The following RIMS2 variants were observed in gnomAD, a reference collection of about 807,000 sequenced individuals.
RIMS2 encodes regulating synaptic membrane exocytosis protein 2.
RIMS2 carries 59 observed loss-of-function variants against 174.4 expected under a neutral mutation model. That is an observed-to-expected ratio of 0.34 (90% CI 0.27 to 0.42). The LOEUF (loss-of-function observed/expected upper bound fraction) is 0.42. RIMS2 is among the 10% of genes least tolerant of loss of function. The pLI, the probability that RIMS2 is intolerant of heterozygous loss-of-function variation, is 1.00. For synonymous variants in RIMS2, 606 were observed against 572.5 expected (o/e 1.06, Z -0.84); for missense variants, 1,620 against 1,666.3 (o/e 0.97, Z 0.48).
chr8:103,786,664 A>G (rs556410878), intron 3 of RIMS2, among the ~76,000 whole-genome samples: 2 of 152,182 alleles, frequency 1.3e-5, no homozygotes, highest in East Asian at 3.9e-4. Flanking sequence ...GTTCTTTTAC[A>G]TTTGCTGAGG....
In RIMS2 at chr8:103,913,058, C is replaced by T. The variant is rs549831267; in HGVS notation, c.1812+886C>T. On this transcript the variant is annotated intron_variant, in intron 6 of 23. Coordinates refer to ENST00000504942, the Ensembl canonical transcript of RIMS2. Reference sequence around the variant, plus strand: ...CATGATCTCGGGTCACTGCAACCTTCGCCTCTTGGATTCAAGTGATTCTCC... The same window carrying T: ...CATGATCTCGGGTCACTGCAACCTTTGCCTCTTGGATTCAAGTGATTCTCC... 8.8e-4 allele frequency among the ~76,000 whole-genome samples: 129 copies of T among 145,788 alleles called. 4 individuals carry two copies. The South Asian group carries it at 0.022, about 25-fold the overall frequency.
At chr8:104,023,101 G>A (rs1158761457) in intron 19 of RIMS2, among the ~76,000 whole-genome samples, 3 of 152,062 alleles carry the variant, frequency 2.0e-5, no homozygotes, top group African/African-American at 4.8e-5. Flanking sequence ...GTTTAAGGGA[G>A]GACATTGTTT....
At chr8:103,734,896 T>A (rs2097665313) in intron 2 of RIMS2, among the ~76,000 whole-genome samples, 1 of 150,238 alleles carries the variant, frequency 6.7e-6, no homozygotes, top group Admixed American at 6.7e-5. Flanking sequence ...CTTCTCTCAG[T>A]TTTCTAATCA....
chr8:103,642,432 C>T (rs13439015), intron 1 of RIMS2, among the ~76,000 whole-genome samples: 27,596 of 151,888 alleles, frequency 0.18, 2,720 homozygotes, highest in African/African-American at 0.26. Flanking sequence ...TACAGTTCCA[C>T]ATTTGAGAAA....
chr8:104,232,610 T>G (rs2099236672), intron 19 of RIMS2, among the ~76,000 whole-genome samples: 1 of 152,204 alleles, frequency 6.6e-6, no homozygotes, highest in Non-Finnish European at 1.5e-5. Flanking sequence ...CACTGCTACT[T>G]GGCACAGATA....
At chr8:104,182,106 T>C (rs577357673) in intron 19 of RIMS2, among the ~76,000 whole-genome samples, 1 of 151,906 alleles carries the variant, frequency 6.6e-6, no homozygotes, top group Admixed American at 6.6e-5. Context: ...AGGGGATAAA[T>C]ATTTTAATGT....
intron 14 of RIMS2, among the ~76,000 whole-genome samples, chr8:103,951,417 A>G (rs1417956278): frequency 1.3e-5 from 2 of 152,222 alleles, no homozygotes; most frequent in Non-Finnish European, 2.9e-5. Flanking sequence ...TACCCAGTTC[A>G]TCTCATTGGG....
At chr8:103,931,743 A>G (rs997616810) in intron 12 of RIMS2, among the ~76,000 whole-genome samples, 1 of 152,120 alleles carries the variant, frequency 6.6e-6, no homozygotes, top group Non-Finnish European at 1.5e-5. Flanking sequence ...CAAAAATACT[A>G]GCTTTTTTAG....
At chr8:103,533,600 T>G (rs1218072157) in intron 1 of RIMS2, among the ~76,000 whole-genome samples, 1 of 141,488 alleles carries the variant, frequency 7.1e-6, no homozygotes, top group Admixed American at 7.6e-5. Flanking sequence ...AGGCAGAGGT[T>G]GCAGTGAGCT....
chr8:103,624,339 T>C (rs561690853), intron 1 of RIMS2, among the ~76,000 whole-genome samples: 45 of 152,306 alleles, frequency 3.0e-4, no homozygotes, highest in Admixed American at 2.9e-3. Flanking sequence ...CCTGCTTGCT[T>C]AAGCTAGGAC....
chr8:103,743,558 T>C (rs535490131), intron 2 of RIMS2, among the ~76,000 whole-genome samples: 1 of 57,708 alleles, frequency 1.7e-5, no homozygotes, highest in East Asian at 8.9e-4. Flanking sequence ...ATAATTAGCA[T>C]CTATATTTAT....
chr8:103,951,129 T>C (rs1189738776), intron 14 of RIMS2, among the ~76,000 whole-genome samples: 2 of 152,244 alleles, frequency 1.3e-5, no homozygotes, highest in African/African-American at 4.8e-5. Context: ...CACATAATCA[T>C]TTCAATAGAT....
At position 103,739,377 on chromosome 8, in the gene RIMS2, C is replaced by T. The variant is rs557653549; in HGVS notation, c.388-26850C>T. Among the ~76,000 whole-genome samples the T allele has an allele frequency of 3.3e-5, 5 of 151,980 alleles. No homozygotes were observed. In the South Asian group the frequency reaches 6.2e-4, roughly 19 times the overall value. On this transcript the variant is annotated intron_variant, in intron 2 of 23. Transcript: ENST00000504942. The stretch of plus-strand genomic sequence containing the variant: ...AGGAACATCACACACTGGGGCCTGT[C>T]GTAGGGTAGAGGGAAGGGGGAGGGA...
chr8:103,780,546 C>T (rs1483212853), intron 3 of RIMS2, among the ~76,000 whole-genome samples: 1 of 151,958 alleles, frequency 6.6e-6, no homozygotes, highest in African/African-American at 2.4e-5. Context: ...TGATTTTTTT[C>T]AGTTCAGCCA....
chr8:103,551,858 C>T (rs1213844457), intron 1 of RIMS2, among the ~76,000 whole-genome samples: 1 of 152,082 alleles, frequency 6.6e-6, no homozygotes, highest in Non-Finnish European at 1.5e-5. Context: ...ACAATTGCTT[C>T]AAAGAGAATA....
At chr8:103,829,994 T>C (rs1217718147) in intron 3 of RIMS2, among the ~76,000 whole-genome samples, 1 of 152,222 alleles carries the variant, frequency 6.6e-6, no homozygotes, top group Admixed American at 6.5e-5. Context: ...TGTTTTTCAG[T>C]AAATTTAATA....
chr8:103,589,758 A>G (rs886299473), intron 1 of RIMS2, among the ~76,000 whole-genome samples: 14 of 151,632 alleles, frequency 9.2e-5, no homozygotes, highest in African/African-American at 3.4e-4. Flanking sequence ...CATAAAAAAG[A>G]ATGAGATTTA....
intron 1 of RIMS2, among the ~76,000 whole-genome samples, chr8:103,585,462 G>A (rs542551391): frequency 1.3e-4 from 20 of 152,226 alleles, no homozygotes; most frequent in South Asian, 4.2e-4. Flanking sequence ...ATTTACAATA[G>A]CAAAGACTTG....
chr8:103,949,370 A>G (rs62527125), intron 14 of RIMS2, among the ~76,000 whole-genome samples: 3,991 of 152,260 alleles, frequency 0.026, 104 homozygotes, highest in Middle Eastern at 0.044. Context: ...TTCATTGAGA[A>G]CATTCACTAA....
Sources: allele counts gnomAD v4.1 joint callset (sites outside exome capture counted in the v4.1 genomes callset), GRCh38; gene constraint gnomAD v4.1.1; transcripts MANE v1.5; gene names NCBI Gene and HGNC (gene_info 2026-07-23, HGNC 2026-07-21).